KIRREL3: variants seen among roughly 807,000 people sequenced by gnomAD.
The protein encoded by KIRREL3 is kirre like nephrin family adhesion molecule 3.
Under a neutral mutation model 89.7 loss-of-function variants are expected in KIRREL3, and 36 were observed. The observed-to-expected ratio is 0.40, with a 90% CI of 0.31 to 0.53. KIRREL3 has a LOEUF of 0.53. Among genes scored for constraint, KIRREL3 ranks in the 20% least tolerant of loss-of-function variants. KIRREL3 has a pLI of 0.49. For missense variants in KIRREL3, 864 were observed against 1,056.6 expected (o/e 0.82, Z 2.53); for synonymous variants, 445 against 441.4 (o/e 1.01, Z -0.10).
At position 126,519,650 on chromosome 11, in the gene KIRREL3, G is replaced by T. The variant is rs1294966122; in HGVS notation, c.433+1665C>A. ...GCATCCTCTGGCCCCTCTAGAAGGT[G>T]TATGAGTCGGTAGAGGCAGATTCTT... is the stretch of plus-strand genomic sequence containing the variant. On this transcript the variant is annotated intron_variant, in intron 4 of 16. Transcript: ENST00000525144. The surrounding 1 kb of genome is among the most constrained non-coding windows in gnomAD (Gnocchi z 4.3). 6.6e-6 allele frequency among the ~76,000 whole-genome samples: 1 copy of T among 152,202 alleles called. No homozygotes were observed. Among genetic ancestry groups the T allele is most frequent in the Non-Finnish European group, 1.5e-5 (1 of 68,042 alleles).
In KIRREL3 at chr11:126,870,117, G is replaced by C. The variant is rs1181810383; in HGVS notation, c.55+130338C>G. Among the ~76,000 whole-genome samples, 1 of 152,228 alleles carries C rather than the reference G, an allele frequency of 6.6e-6. No homozygotes were observed. The highest frequency in any genetic ancestry group is 1.5e-5 in the Non-Finnish European group (1 of 68,044). On this transcript the variant is annotated intron_variant, in intron 1 of 16. Transcript: ENST00000525144. The surrounding 1 kb of genome is among the most constrained non-coding windows in gnomAD (Gnocchi z 4.4). ...TTTGAATCAGGGGCCCATGAGCACT[G>C]TGATTAATGACCAGGAGTGAGTGTG...
In KIRREL3 at chr11:126,522,694, A is replaced by G. The variant is rs530050945; in HGVS notation, c.284-1230T>C. On this transcript the variant is annotated intron_variant, in intron 3 of 16. Transcript: ENST00000525144. This position sits in a 1 kb window ranked among gnomAD's most constrained non-coding sequence, Gnocchi z 6.0. ...TGGGTCTCGGGCCCTACACCTCCCT[A>G]TTTCTCTTTCCATCCATCTCCTCAC... Among the ~76,000 whole-genome samples the G allele has an allele frequency of 1.4e-4, 21 of 151,948 alleles. No homozygotes were observed. Among genetic ancestry groups the G allele is most frequent in the African/African-American group, 4.1e-4 (17 of 41,424 alleles).
In KIRREL3 at chr11:126,525,600, A is replaced by G. The variant is rs1441011773; in HGVS notation, c.283+938T>C. Among the ~76,000 whole-genome samples the G allele has an allele frequency of 1.3e-5, 2 of 152,202 alleles. No homozygotes were observed. The highest frequency in any genetic ancestry group is 4.8e-5 in the African/African-American group (2 of 41,448). ...TCGATTTTTATTTTCCTGCAGCTGT[A>G]CACCATGCGAGAGGCAAAGTTACTT... On this transcript the variant is annotated intron_variant, in intron 3 of 16. Coordinates refer to ENST00000525144, the MANE Select transcript of KIRREL3 (RefSeq NM_032531.4). The surrounding 1 kb of genome is among the most constrained non-coding windows in gnomAD (Gnocchi z 5.4).
At chr11:126,539,913 G>T (rs1325691239) in intron 2 of KIRREL3, among the ~76,000 whole-genome samples, 1 of 152,234 alleles carries the variant, frequency 6.6e-6, no homozygotes, top group Non-Finnish European at 1.5e-5. Flanking sequence ...AGATGTTGTT[G>T]TGACTATCTA....
At position 126,729,600 on chromosome 11, in the gene KIRREL3, C is replaced by G. The variant is rs1948531591; in HGVS notation, c.56-166688G>C. 6.6e-6 allele frequency among the ~76,000 whole-genome samples: 1 copy of G among 152,166 alleles called. No homozygotes were observed. Among genetic ancestry groups the G allele is most frequent in the Non-Finnish European group, 1.5e-5 (1 of 68,026 alleles). On this transcript the variant is annotated intron_variant, in intron 1 of 16. Transcript: ENST00000525144. This position sits in a 1 kb window ranked among gnomAD's most constrained non-coding sequence, Gnocchi z 4.5. Reference sequence around the variant, plus strand: ...TGGAAGGCAAGAAAGGAGCAGCTCCCTGGCATTTTGCTGCTGGAGCACGGA... The same window carrying G: ...TGGAAGGCAAGAAAGGAGCAGCTCCGTGGCATTTTGCTGCTGGAGCACGGA...
At position 126,444,966 on chromosome 11, in the gene KIRREL3, G is replaced by A; in HGVS notation, c.1252+13C>T. ...CCTCCCTCAGGCCTGGCTCACCCCA[G>A]CGAGGGTCTTACCATTGACGGTCAG... On this transcript the variant is annotated intron_variant, in intron 10 of 16. Coordinates refer to ENST00000525144, the MANE Select transcript of KIRREL3 (RefSeq NM_032531.4). The A allele has an allele frequency of 6.2e-7, 1 of 1,613,582 alleles. No homozygotes were observed.
rs1169649083 is a variant in KIRREL3, at chr11:126,782,141, G to A, written c.55+218314C>T. Among the ~76,000 whole-genome samples, 2 of 152,112 alleles carry A rather than the reference G, an allele frequency of 1.3e-5. No homozygotes were observed. Among genetic ancestry groups the A allele is most frequent in the Non-Finnish European group, 2.9e-5 (2 of 68,032 alleles). On this transcript the variant is annotated intron_variant, in intron 1 of 16. Coordinates refer to ENST00000525144, the MANE Select transcript of KIRREL3 (RefSeq NM_032531.4). This position sits in a 1 kb window ranked among gnomAD's most constrained non-coding sequence, Gnocchi z 4.1. ...ATTGCTCAGCCTTCCTAGGAATTAG[G>A]TTCAGGCCTGAGACTTAAAAGAGTC...
At chr11:126,596,764 AG>A (rs767456636) in intron 1 of KIRREL3, among the ~76,000 whole-genome samples, 5 of 152,214 alleles carry the variant, frequency 3.3e-5, no homozygotes, top group Admixed American at 6.5e-5. Flanking sequence ...TCTTCCAGGA[AG>A]GGGGAATGAA....
In KIRREL3 at chr11:126,607,263, G is replaced by A. The variant is rs930025006; in HGVS notation, c.56-44351C>T. ...CTCCTTGTACAGGAAGAAAAACTGC[G>A]GCCAGAGGGGCAAGGCGAGGAAGTC... On this transcript the variant is annotated intron_variant, in intron 1 of 16. Transcript: ENST00000525144. The surrounding 1 kb of genome is among the most constrained non-coding windows in gnomAD (Gnocchi z 6.6). 1.3e-5 allele frequency among the ~76,000 whole-genome samples: 2 copies of A among 152,214 alleles called. No homozygotes were observed. Among genetic ancestry groups the A allele is most frequent in the African/African-American group, 2.4e-5 (1 of 41,464 alleles).
chr11:126,526,369 G>T lies in KIRREL3; in HGVS notation c.283+169C>A, dbSNP rs953221717. On this transcript the variant is annotated intron_variant, in intron 3 of 16. Transcript: ENST00000525144. The surrounding 1 kb of genome is among the most constrained non-coding windows in gnomAD (Gnocchi z 5.7). ...ACATCAGGGGCCCTCAGAGTCTAGG[G>T]ATGCTGGGTGCAGTGCTTGCCTAGC... Among the ~76,000 whole-genome samples, 1 of 152,224 alleles carries T rather than the reference G, an allele frequency of 6.6e-6. No individual in the cohort carries two copies. The highest frequency in any genetic ancestry group is 1.5e-5 in the Non-Finnish European group (1 of 68,032).
At chr11:126,913,836 G>A (rs1442236840) in intron 1 of KIRREL3, among the ~76,000 whole-genome samples, 2 of 152,210 alleles carry the variant, frequency 1.3e-5, no homozygotes, top group East Asian at 3.9e-4. Context: ...TGGAGTCTGG[G>A]GACCGCATAG....
chr11:126,799,432 G>GCA (rs1950953839), intron 1 of KIRREL3, among the ~76,000 whole-genome samples: 1 of 58,962 alleles, frequency 1.7e-5, no homozygotes, highest in African/African-American at 5.9e-5. Flanking sequence ...GTGTGCATGT[G>GCA]TGTATCTGTG....
In KIRREL3 at chr11:126,529,629, G is replaced by T. The variant is rs571049278; in HGVS notation, c.134-2942C>A. On this transcript the variant is annotated intron_variant, in intron 2 of 16. Transcript: ENST00000525144. The stretch of plus-strand genomic sequence containing the variant: ...AAAAAAAAAAAAAAAGACCTTCCTA[G>T]AGCCTCTCGCATTCTGTCTGCTTGA... Among the ~76,000 whole-genome samples the T allele has an allele frequency of 4.3e-5, 4 of 93,276 alleles. No homozygotes were observed. In the South Asian group the frequency reaches 1.9e-3, roughly 44 times the overall value. The allele number at this position is 93,276 out of a possible 152,430, so 61.2% of individuals were successfully genotyped here.
At chr11:127,000,842 G>C (rs367591506), upstream of KIRREL3, 1 of 440,718 alleles carries the variant, frequency 2.3e-6, no homozygotes, top group Non-Finnish European at 4.0e-6. This position sits in a 1 kb window ranked among gnomAD's most constrained non-coding sequence, Gnocchi z 7.1. Context: ...AGCTAGTGAC[G>C]AGTGACAGAA....
Position 126,614,217 on chromosome 11 carries a change from G to C in KIRREL3, c.56-51305C>G, listed in dbSNP as rs1398764986. On this transcript the variant is annotated intron_variant, in intron 1 of 16. Coordinates refer to ENST00000525144, the MANE Select transcript of KIRREL3 (RefSeq NM_032531.4). This position sits in a 1 kb window ranked among gnomAD's most constrained non-coding sequence, Gnocchi z 4.6. Reference sequence around the variant, plus strand: ...TCGATCTATTGTCGATTTCTCTATGGTATCAATGGCATACCCCTTAGATTC... The same window carrying C: ...TCGATCTATTGTCGATTTCTCTATGCTATCAATGGCATACCCCTTAGATTC... Among the ~76,000 whole-genome samples the C allele has an allele frequency of 6.6e-6, 1 of 151,996 alleles. No individual in the cohort carries two copies. Among genetic ancestry groups the C allele is most frequent in the Non-Finnish European group, 1.5e-5 (1 of 67,998 alleles).
Position 126,485,199 on chromosome 11 carries a change from G to A in KIRREL3, c.434-11733C>T, listed in dbSNP as rs1957325977. Among the ~76,000 whole-genome samples, 2 of 152,188 alleles carry A rather than the reference G, an allele frequency of 1.3e-5. No homozygotes were observed. The highest frequency in any genetic ancestry group is 4.1e-4 in the South Asian group (2 of 4,828). ...CAGACGTGTCTCCAAGGAGGTTGGG[G>A]ACAGAGAGAAAAGAGGAACAAGGAG... On this transcript the variant is annotated intron_variant, in intron 4 of 16. Coordinates refer to ENST00000525144, the MANE Select transcript of KIRREL3 (RefSeq NM_032531.4). This position sits in a 1 kb window ranked among gnomAD's most constrained non-coding sequence, Gnocchi z 5.8.
chr11:126,656,941 G>C lies in KIRREL3; in HGVS notation c.56-94029C>G, dbSNP rs960476217. ...GTGGTGTGTGCTTGTGGTCCTGGCT[G>C]CTTGGGAGGCTGAGGCATGAGAGTG... On this transcript the variant is annotated intron_variant, in intron 1 of 16. Coordinates refer to ENST00000525144, the MANE Select transcript of KIRREL3 (RefSeq NM_032531.4). The surrounding 1 kb of genome is among the most constrained non-coding windows in gnomAD (Gnocchi z 4.0). 6.6e-6 allele frequency among the ~76,000 whole-genome samples: 1 copy of C among 151,950 alleles called. No individual in the cohort carries two copies. Among genetic ancestry groups the C allele is most frequent in the African/African-American group, 2.4e-5 (1 of 41,366 alleles).
intron 4 of KIRREL3, among the ~76,000 whole-genome samples, chr11:126,497,046 A>C (rs1340159133): frequency 6.6e-6 from 1 of 152,172 alleles, no homozygotes; most frequent in African/African-American, 2.4e-5. Context: ...AGCTGCATAC[A>C]GGACCACACG....
chr11:126,694,921 C>G lies in KIRREL3; in HGVS notation c.56-132009G>C, dbSNP rs375388016. On this transcript the variant is annotated intron_variant, in intron 1 of 16. Transcript: ENST00000525144. The surrounding 1 kb of genome is among the most constrained non-coding windows in gnomAD (Gnocchi z 4.4). Reference sequence around the variant, plus strand: ...TTTTGACTCAAAAAGAATGAAGGCTCCCTCACTCCTTTGCTTTGATTGGGA... The same window carrying G: ...TTTTGACTCAAAAAGAATGAAGGCTGCCTCACTCCTTTGCTTTGATTGGGA... 2.6e-5 allele frequency among the ~76,000 whole-genome samples: 4 copies of G among 152,180 alleles called. No homozygotes were observed. The highest frequency in any genetic ancestry group is 2.0e-4 in the Admixed American group (3 of 15,278).
Sources: allele counts gnomAD v4.1 joint callset (sites outside exome capture counted in the v4.1 genomes callset), GRCh38; gene constraint gnomAD v4.1.1; non-coding constraint Gnocchi (gnomAD v3.1); transcripts MANE v1.5; gene names NCBI Gene and HGNC (gene_info 2026-07-23, HGNC 2026-07-21).